The following NLGN2 variants were observed in gnomAD, a reference collection of about 807,000 sequenced individuals.
The protein encoded by NLGN2 is neuroligin-2.
Under a neutral mutation model 48.6 loss-of-function variants are expected in NLGN2, and 11 were observed. The observed-to-expected ratio is 0.23, with a 90% CI of 0.14 to 0.37. The LOEUF (loss-of-function observed/expected upper bound fraction) is 0.37. NLGN2 is among the 10% of genes least tolerant of loss of function. The pLI, the probability that NLGN2 is intolerant of heterozygous loss-of-function variation, is 1.00. For synonymous variants in NLGN2, 548 were observed against 550.0 expected (o/e 1.00, Z 0.05); for missense variants, 801 against 1,225.2 (o/e 0.65, Z 5.17).
chr17:7,418,137 T>G lies in NLGN2; in HGVS notation c.*338T>G. ...CCCATGTGCAGGGTGAGGTTTTTTT[T>G]TGCCACCCTGGACACATGTTGGCCC... On this transcript the variant is annotated 3_prime_UTR_variant, in exon 7 of 7. Coordinates refer to ENST00000302926, the MANE Select transcript of NLGN2 (RefSeq NM_020795.4). 1 of 170,240 alleles carries G rather than the reference T, an allele frequency of 5.9e-6. No individual in the cohort carries two copies. The highest frequency in any genetic ancestry group is 2.4e-5 in the African/African-American group (1 of 42,284). 10.5% of individuals were successfully genotyped at this position (170,240 alleles called of 1,614,324 possible). A position where few individuals can be genotyped will look rare whatever the true frequency, so the allele number is the denominator to read the frequency against.
In NLGN2 at chr17:7,418,498, A is replaced by G. The variant is rs897727348; in HGVS notation, c.*699A>G. On this transcript the variant is annotated 3_prime_UTR_variant, in exon 7 of 7. Coordinates refer to ENST00000302926, the MANE Select transcript of NLGN2 (RefSeq NM_020795.4). ...TGCTGGGGGAGGGAGGAGTCCACGC[A>G]TCCTGATGCTGCCTGGAAGCTTATT... 6.6e-6 allele frequency: 1 copy of G among 152,180 alleles called. No individual in the cohort carries two copies. The highest frequency in any genetic ancestry group is 6.5e-5 in the Admixed American group (1 of 15,284). 9.4% of individuals were successfully genotyped at this position (152,180 alleles called of 1,614,324 possible).
intron 1 of NLGN2, among the ~76,000 whole-genome samples, chr17:7,410,456 C>T (rs192077973): frequency 5.5e-4 from 83 of 152,216 alleles, no homozygotes; most frequent in African/African-American, 1.5e-3. Flanking sequence ...GAGCTGTGCA[C>T]ACCACACTCC....
Position 7,415,781 on chromosome 17 carries a change from A to C in NLGN2, c.1308A>C (p.Thr436=). The C allele has an allele frequency of 6.2e-7, 1 of 1,614,222 alleles. No individual in the cohort carries two copies. The highest frequency in any genetic ancestry group is 8.5e-7 in the Non-Finnish European group (1 of 1,180,052). The change falls in exon 6 of 7, where the codon ACA becomes ACC. Residue 436 remains threonine, a synonymous_variant. Coordinates refer to ENST00000302926, the MANE Select transcript of NLGN2 (RefSeq NM_020795.4). ...VLRETIKFMY[T]DWADRDNGEM... ...GGGAGACCATCAAGTTTATGTACAC[A>C]GACTGGGCCGACCGGGACAATGGCG...
chr17:7,414,329 C>CA lies in NLGN2; in HGVS notation c.509-15_509-14insA. 3 of 1,458,388 alleles carry CA rather than the reference C, an allele frequency of 2.1e-6. No homozygotes were observed. Among genetic ancestry groups the CA allele is most frequent in the South Asian group, 1.2e-5 (1 of 86,086 alleles). The allele number at this position is 1,458,388 out of a possible 1,614,324, so 90.3% of individuals were successfully genotyped here. A position where few individuals can be genotyped will look rare whatever the true frequency, so the allele number is the denominator to read the frequency against. ...CCTGACCCCCTGGCCCACCTGCCCA[C>CA]CCCTCCCCACACAGATATCCGTGAC... On this transcript the variant is annotated splice_polypyrimidine_tract_variant and intron_variant, in intron 2 of 6. Transcript: ENST00000302926.
In NLGN2 at chr17:7,417,969, A is replaced by G. The variant is rs1487121291; in HGVS notation, c.*170A>G. The G allele has an allele frequency of 3.9e-6, 2 of 513,346 alleles. No homozygotes were observed. The highest frequency in any genetic ancestry group is 4.0e-5 in the African/African-American group (2 of 50,526). 31.8% of individuals were successfully genotyped at this position (513,346 alleles called of 1,614,324 possible). On this transcript the variant is annotated 3_prime_UTR_variant, in exon 7 of 7. Transcript: ENST00000302926. ...TGCGATGCGTGTCTTTCCCACGCAG[A>G]GAAGCCCAGTCTCTTCTCTGGATCT...
At position 7,413,480 on chromosome 17, in the gene NLGN2, G is replaced by A. The variant is rs954265506; in HGVS notation, c.509-864G>A. 5.3e-5 allele frequency among the ~76,000 whole-genome samples: 8 copies of A among 152,168 alleles called. No homozygotes were observed. Among genetic ancestry groups the A allele is most frequent in the East Asian group, 1.9e-4 (1 of 5,186 alleles). On this transcript the variant is annotated intron_variant, in intron 2 of 6. Coordinates refer to ENST00000302926, the MANE Select transcript of NLGN2 (RefSeq NM_020795.4). This position sits in a 1 kb window ranked among gnomAD's most constrained non-coding sequence, Gnocchi z 4.9. ...TAGCACTATGGCTGAATCATGGGGA[G>A]CTGCAGGGGAGGATACTGTAGCCTC...
rs1220876623 is a variant in NLGN2, at chr17:7,411,638, C to T, written c.458-519C>T. 6.6e-6 allele frequency among the ~76,000 whole-genome samples: 1 copy of T among 152,192 alleles called. No individual in the cohort carries two copies. Among genetic ancestry groups the T allele is most frequent in the Non-Finnish European group, 1.5e-5 (1 of 68,022 alleles). On this transcript the variant is annotated intron_variant, in intron 1 of 6. Transcript: ENST00000302926. The surrounding 1 kb of genome is among the most constrained non-coding windows in gnomAD (Gnocchi z 4.5). ...GAGGGAAGCAGAGTCTTTTCTGCGG[C>T]AGTCTCTCCTCCCTACAGCCTTGTG... is the stretch of plus-strand genomic sequence containing the variant.
At position 7,414,512 on chromosome 17, in the gene NLGN2, C is replaced by G; in HGVS notation, c.658+19C>G. 1 of 1,611,922 alleles carries G rather than the reference C, an allele frequency of 6.2e-7. No individual in the cohort carries two copies. Among genetic ancestry groups the G allele is most frequent in the South Asian group, 1.1e-5 (1 of 91,064 alleles). On this transcript the variant is annotated intron_variant, in intron 3 of 6. Transcript: ENST00000302926. ...GTGCTCGGTGAGGGTGGGCAGCCAA[C>G]TCTGGGGCTCGGGGGAGTCTGGGAG...
Position 7,411,067 on chromosome 17 carries a change from G to T in NLGN2, c.458-1090G>T, listed in dbSNP as rs1597708899. Among the ~76,000 whole-genome samples the T allele has an allele frequency of 6.6e-6, 1 of 152,210 alleles. No individual in the cohort carries two copies. Among genetic ancestry groups the T allele is most frequent in the African/African-American group, 2.4e-5 (1 of 41,446 alleles). On this transcript the variant is annotated intron_variant, in intron 1 of 6. Coordinates refer to ENST00000302926, the MANE Select transcript of NLGN2 (RefSeq NM_020795.4). The surrounding 1 kb of genome is among the most constrained non-coding windows in gnomAD (Gnocchi z 4.5). ...GCCTCGGGGAACCCCCAGGCCTCTG[G>T]GCTCCAGCTCGCCCCTGACCAACCC... is the stretch of plus-strand genomic sequence containing the variant.
rs1173714028 is a variant in NLGN2 at position 7,417,657 on chromosome 17, C to G, written c.2366C>G (p.Thr789Ser). 7.2e-7 allele frequency: 1 copy of G among 1,395,334 alleles called. No homozygotes were observed. The highest frequency in any genetic ancestry group is 1.5e-5 in the African/African-American group (1 of 65,350). 86.4% of individuals were successfully genotyped at this position (1,395,334 alleles called of 1,614,324 possible). A position where few individuals can be genotyped will look rare whatever the true frequency, so the allele number is the denominator to read the frequency against. The part of the protein sequence containing the change: ...DVPLLAPGAL[T>S]LLPSGLGPPP... ...CCTCTCTTGGCCCCCGGGGCCCTGACCCTGCTGCCCAGTGGCCTGGGGCCA... is the reference window on the plus strand; with the variant it reads ...CCTCTCTTGGCCCCCGGGGCCCTGAGCCTGCTGCCCAGTGGCCTGGGGCCA... The change falls in exon 7 of 7, where the codon ACC becomes AGC. Residue 789 changes from threonine to serine, a missense_variant. Around this residue, in one of 5 missense-constraint regions of NLGN2, gnomAD observed 276 missense variants for 313.9 expected, o/e 0.88. Transcript: ENST00000302926.
chr17:7,413,175 A>C lies in NLGN2; in HGVS notation c.508+968A>C, dbSNP rs1906968827. On this transcript the variant is annotated intron_variant, in intron 2 of 6. Coordinates refer to ENST00000302926, the MANE Select transcript of NLGN2 (RefSeq NM_020795.4). This position sits in a 1 kb window ranked among gnomAD's most constrained non-coding sequence, Gnocchi z 4.9. ...CCAGCGAGGGTGCTGCCCACATAGA[A>C]GCTCTGGCGGAAGCAGTCAGGAGCA... Among the ~76,000 whole-genome samples, 1 of 152,216 alleles carries C rather than the reference A, an allele frequency of 6.6e-6. No individual in the cohort carries two copies. The highest frequency in any genetic ancestry group is 1.5e-5 in the Non-Finnish European group (1 of 68,038).
In NLGN2 at chr17:7,417,263, G is replaced by A. The variant is rs749694701; in HGVS notation, c.1972G>A (p.Gly658Ser). ...GCCTCCCGAGCCCGAGCCCGAGCCC[G>A]GCCCAAGGGCCTATGACCGCTTCCC... is the stretch of plus-strand genomic sequence containing the variant. ...TLPPEPEPEPGPRAYDRFPGD... is the reference protein window; with the variant it reads ...TLPPEPEPEPSPRAYDRFPGD... The change falls in exon 7 of 7, where the codon GGC (glycine) becomes AGC (serine). Residue 658 changes from glycine (G) to serine (S), a missense_variant. Physicochemically the swap from Gly to Ser is moderately conservative, Grantham distance 56. Coordinates refer to ENST00000302926, the MANE Select transcript of NLGN2 (RefSeq NM_020795.4). The A allele has an allele frequency of 1.2e-5, 18 of 1,563,838 alleles. No individual in the cohort carries two copies. The highest frequency in any genetic ancestry group is 2.4e-5 in the South Asian group (2 of 84,972).
chr17:7,409,399 A>G (rs1459840764), intron 1 of NLGN2, among the ~76,000 whole-genome samples: 2 of 152,072 alleles, frequency 1.3e-5, no homozygotes, highest in African/African-American at 4.8e-5. Context: ...ACTCTTGTTC[A>G]CTACAGGACT....
Position 7,408,531 on chromosome 17 carries a change from G to A in NLGN2, c.276G>A (p.Ser92=), listed in dbSNP as rs760168888. The A allele has an allele frequency of 1.8e-5, 28 of 1,533,344 alleles. No individual in the cohort carries two copies. Among genetic ancestry groups the A allele is most frequent in the Non-Finnish European group, 2.4e-5 (27 of 1,143,530 alleles). 95.0% of individuals were successfully genotyped at this position (1,533,344 alleles called of 1,614,324 possible). A position where few individuals can be genotyped will look rare whatever the true frequency, so the allele number is the denominator to read the frequency against. ...TCCAGCCGCCTGAGGCGCCCGCCTC[G>A]TGGCCCGGCGTGCGCAACGCCACCA... is the stretch of plus-strand genomic sequence containing the variant. ...RRFQPPEAPA[S]WPGVRNATTL... is the part of the protein sequence containing the mutation. Residue 92 remains serine (S), a synonymous_variant, in exon 1 of 7, where the codon TCG becomes TCA. Coordinates refer to ENST00000302926, the MANE Select transcript of NLGN2 (RefSeq NM_020795.4). The surrounding 1 kb of genome is among the most constrained non-coding windows in gnomAD (Gnocchi z 7.5).
chr17:7,413,130 G>A lies in NLGN2; in HGVS notation c.508+923G>A, dbSNP rs1220669721. Among the ~76,000 whole-genome samples the A allele has an allele frequency of 6.6e-6, 1 of 152,226 alleles. No individual in the cohort carries two copies. The highest frequency in any genetic ancestry group is 1.5e-5 in the Non-Finnish European group (1 of 68,046). ...ACTTGAGGTTCAGGAGCAAAGGAGAGGACAGGATTTGAGGAGAACCCAGCG... is the reference window on the plus strand; with the variant it reads ...ACTTGAGGTTCAGGAGCAAAGGAGAAGACAGGATTTGAGGAGAACCCAGCG... On this transcript the variant is annotated intron_variant, in intron 2 of 6. Transcript: ENST00000302926. The surrounding 1 kb of genome is among the most constrained non-coding windows in gnomAD (Gnocchi z 4.9).
intron 5 of NLGN2, 82 bp from the exon 6 acceptor site, chr17:7,415,429 G>A (rs1352115996): frequency 1.6e-6 from 2 of 1,257,440 alleles, no homozygotes; most frequent in Non-Finnish European, 2.3e-6. Context: ...GTAGAGGGAA[G>A]CATCTGCGTG....
Position 7,415,791 on chromosome 17 carries a change from G to A in NLGN2, c.1318G>A (p.Asp440Asn), listed in dbSNP as rs140208582. The A allele has an allele frequency of 2.5e-5, 41 of 1,614,022 alleles. No homozygotes were observed. The highest frequency in any genetic ancestry group is 3.1e-5 in the Non-Finnish European group (36 of 1,180,062). The change falls in exon 6 of 7, where the codon GAC becomes AAC. Residue 440 changes from aspartate to asparagine, a missense_variant. Asp to Asn is a conservative substitution (Grantham distance 23, BLOSUM62 1). This residue lies in a region of NLGN2 where 303 missense variants were observed against 600.1 expected (regional missense o/e 0.50). Coordinates refer to ENST00000302926, the MANE Select transcript of NLGN2 (RefSeq NM_020795.4). ...CAAGTTTATGTACACAGACTGGGCC[G>A]ACCGGGACAATGGCGAAATGCGCCG... is the stretch of plus-strand genomic sequence containing the variant. ...TIKFMYTDWA[D>N]RDNGEMRRKT...
At position 7,415,039 on chromosome 17, in the gene NLGN2, C is replaced by T; in HGVS notation, c.928C>T (p.Leu310=). 1 of 1,613,406 alleles carries T rather than the reference C, an allele frequency of 6.2e-7. No individual in the cohort carries two copies. The highest frequency in any genetic ancestry group is 8.5e-7 in the Non-Finnish European group (1 of 1,180,040). ...VNYQPLKYTR[L]LAAKVGCDRE... Reference sequence around the variant, plus strand: ...CTACCAGCCGCTCAAGTACACGCGGCTGCTGGCAGCCAAGGTGGGCTGTGA... The same window carrying T: ...CTACCAGCCGCTCAAGTACACGCGGTTGCTGGCAGCCAAGGTGGGCTGTGA... Residue 310 remains leucine (L), a synonymous_variant, in exon 5 of 7, where the codon CTG becomes TTG. Transcript: ENST00000302926.
chr17:7,408,193 C>A lies in NLGN2; in HGVS notation c.-63C>A, dbSNP rs1422454986. The A allele has an allele frequency of 4.5e-5, 42 of 929,132 alleles. No homozygotes were observed. The Admixed American group carries it at 1.5e-3, about 32-fold the overall frequency. 57.6% of individuals were successfully genotyped at this position (929,132 alleles called of 1,614,324 possible). ...CGAGGGGGGCCTCCCTCCCTCTCCC[C>A]CCCTTCTCTCTCTCTCCGAGGGGGG... On this transcript the variant is annotated 5_prime_UTR_variant, in exon 1 of 7. Coordinates refer to ENST00000302926, the MANE Select transcript of NLGN2 (RefSeq NM_020795.4). The surrounding 1 kb of genome is among the most constrained non-coding windows in gnomAD (Gnocchi z 7.5).
Sources: gnomAD v4.1 joint callset for allele counts (sites outside exome capture counted in the v4.1 genomes callset) on GRCh38, gnomAD v4.1.1 for gene constraint, gnomAD v4.1.1 regional missense constraint, Gnocchi (gnomAD v3.1) non-coding constraint, MANE v1.5 for transcripts, NCBI Gene and HGNC (gene_info 2026-07-23, HGNC 2026-07-21) for gene names.